Variants in HIKESHI observed in about 807,000 individuals in gnomAD.
HIKESHI encodes protein Hikeshi.
In HIKESHI, 13 loss-of-function variants were observed where a neutral mutation model predicts 25.7. The observed-to-expected ratio is 0.51, with a 90% CI of 0.33 to 0.80. The LOEUF (loss-of-function observed/expected upper bound fraction) is 0.80, where lower values mean the gene tolerates loss of function less well. Ranked by LOEUF, HIKESHI falls within the 30% of genes least tolerant of loss-of-function variation. The pLI, the probability that HIKESHI is intolerant of heterozygous loss-of-function variation, is 0.02. For missense variants in HIKESHI, 174 were observed against 229.5 expected (o/e 0.76, Z 1.56); for synonymous variants, 76 against 78.7 (o/e 0.97, Z 0.18).
chr11:86,326,787 CTT>C (rs969249156), intron 2 of HIKESHI: 33 of 281,934 alleles, frequency 1.2e-4, no homozygotes, highest in African/African-American at 6.0e-4. Flanking sequence ...GAGGAGGAGA[CTT>C]TTAAGGGTGG....
chr11:86,309,696 G>A (rs1255608229), intron 2 of HIKESHI, among the ~76,000 whole-genome samples: 1 of 152,074 alleles, frequency 6.6e-6, no homozygotes, highest in Non-Finnish European at 1.5e-5. Context: ...GGGTTTTTAT[G>A]GTTTTAGGGC....
At chr11:86,315,743 A>T (rs1946960499) in intron 2 of HIKESHI, among the ~76,000 whole-genome samples, 1 of 152,174 alleles carries the variant, frequency 6.6e-6, no homozygotes, top group Admixed American at 6.6e-5. Flanking sequence ...AGGAAGTTGA[A>T]CCCAGAGTGT....
intron 2 of HIKESHI, among the ~76,000 whole-genome samples, chr11:86,327,410 G>C (rs577439155): frequency 2.0e-5 from 3 of 152,084 alleles, no homozygotes; most frequent in Admixed American, 6.6e-5. Flanking sequence ...CGCCTCCCGG[G>C]TTCACACCAT....
At position 86,313,411 on chromosome 11, in the gene HIKESHI, T is replaced by C. The variant is rs545624078; in HGVS notation, c.268+6929T>C. ...ACACCTTGCTAATTTTTTGTATTTT[T>C]AGTAGAGATGGGGTTTCACCATGTC... On this transcript the variant is annotated intron_variant, in intron 2 of 4. Transcript: ENST00000278483. Among the ~76,000 whole-genome samples, 5 of 152,230 alleles carry C rather than the reference T, an allele frequency of 3.3e-5. No homozygotes were observed. The South Asian group carries it at 6.2e-4, about 19-fold the overall frequency.
intron 2 of HIKESHI, among the ~76,000 whole-genome samples, chr11:86,325,310 G>A (rs1262717663): frequency 1.3e-5 from 2 of 152,116 alleles, no homozygotes; most frequent in African/African-American, 4.8e-5. Flanking sequence ...AGCTCTGTTG[G>A]GAGAACTACA....
intron 2 of HIKESHI, among the ~76,000 whole-genome samples, chr11:86,334,794 A>T (rs1484827122): frequency 6.6e-6 from 1 of 152,152 alleles, no homozygotes; most frequent in Non-Finnish European, 1.5e-5. Context: ...GACCACAAGC[A>T]TGCACCACCT....
intron 3 of HIKESHI, among the ~76,000 whole-genome samples, chr11:86,341,201 TTC>T (rs1473109813): frequency 6.6e-6 from 1 of 152,240 alleles, no homozygotes; most frequent in African/African-American, 2.4e-5. Context: ...ATGTACATAC[TTC>T]TTTTCTCCCC....
intron 2 of HIKESHI, among the ~76,000 whole-genome samples, chr11:86,329,734 T>G (rs1447441820): frequency 6.6e-6 from 1 of 152,122 alleles, no homozygotes; most frequent in Non-Finnish European, 1.5e-5. Flanking sequence ...AATTGTTTCT[T>G]TTACCAATAT....
chr11:86,328,761 G>T (rs895786197), intron 2 of HIKESHI, among the ~76,000 whole-genome samples: 1 of 151,752 alleles, frequency 6.6e-6, no homozygotes, highest in Non-Finnish European at 1.5e-5. Context: ...ATTTTTAGTA[G>T]CGACAAGGTT....
At position 86,337,419 on chromosome 11, in the gene HIKESHI, C is replaced by G. The variant is rs1364257508; in HGVS notation, c.309C>G (p.Val103=). The G allele has an allele frequency of 6.2e-7, 1 of 1,613,740 alleles. No homozygotes were observed. The highest frequency in any genetic ancestry group is 1.3e-5 in the African/African-American group (1 of 74,888). Residue 103 remains valine (V), a synonymous_variant, in exon 3 of 5, where the codon GTC becomes GTG. Coordinates refer to ENST00000278483, the MANE Select transcript of HIKESHI (RefSeq NM_016401.4). ...ATCCTTTTGGAGCCATGAATATTGT[C>G]CGAACTCCATCTGTTGCTCAGATTG... ...SQHPFGAMNI[V]RTPSVAQIGI...
chr11:86,315,555 G>A (rs1946954920), intron 2 of HIKESHI, among the ~76,000 whole-genome samples: 2 of 152,074 alleles, frequency 1.3e-5, no homozygotes, highest in African/African-American at 4.8e-5. Context: ...TCCTGACCTC[G>A]TGATCCGCCC....
At chr11:86,307,545 CAA>C (rs1287922939) in intron 2 of HIKESHI, among the ~76,000 whole-genome samples, 1 of 115,982 alleles carries the variant, frequency 8.6e-6, no homozygotes, top group African/African-American at 3.2e-5. Flanking sequence ...CATTATATAT[CAA>C]ATATATTATG....
chr11:86,339,332 G>A (rs759737324), intron 3 of HIKESHI, among the ~76,000 whole-genome samples: 30 of 152,212 alleles, frequency 2.0e-4, no homozygotes, highest in Non-Finnish European at 4.0e-4. Context: ...TCAGGCGTGA[G>A]CCACCGCGCC....
At chr11:86,308,515 A>T (rs540460673) in intron 2 of HIKESHI, among the ~76,000 whole-genome samples, 11 of 144,660 alleles carry the variant, frequency 7.6e-5, no homozygotes, top group African/African-American at 2.8e-4. Flanking sequence ...CACCCTGCCA[A>T]TGTTCTTCTT....
intron 3 of HIKESHI, among the ~76,000 whole-genome samples, chr11:86,340,719 C>T (rs1947702118): frequency 6.6e-6 from 1 of 152,046 alleles, no homozygotes; most frequent in African/African-American, 2.4e-5. Flanking sequence ...GATCTCGGCT[C>T]CTGCAACCTC....
At chr11:86,322,895 C>G (rs1273703640) in intron 2 of HIKESHI, among the ~76,000 whole-genome samples, 2 of 152,030 alleles carry the variant, frequency 1.3e-5, no homozygotes, top group Non-Finnish European at 2.9e-5. Flanking sequence ...CAAGCATGTT[C>G]TCTTGATACT....
intron 3 of HIKESHI, among the ~76,000 whole-genome samples, chr11:86,342,387 G>A (rs1217584466): frequency 2.0e-5 from 3 of 151,838 alleles, no homozygotes; most frequent in African/African-American, 7.3e-5. Flanking sequence ...ATAGATAAAT[G>A]TATTGTTTCT....
chr11:86,312,779 T>C (rs1001606556), intron 2 of HIKESHI, among the ~76,000 whole-genome samples: 1 of 152,098 alleles, frequency 6.6e-6, no homozygotes, highest in Non-Finnish European at 1.5e-5. Context: ...TCAGCATTTG[T>C]TTGTCTGTAA....
Position 86,309,845 on chromosome 11 carries a change from T to C in HIKESHI, c.268+3363T>C, listed in dbSNP as rs1224858030. ...AATAGGGAATCCTTTCCCCATTTCTTGTTTTTGTCAGGTTTCTCAAAGATC... is the reference window on the plus strand; with the variant it reads ...AATAGGGAATCCTTTCCCCATTTCTCGTTTTTGTCAGGTTTCTCAAAGATC... On this transcript the variant is annotated intron_variant, in intron 2 of 4. Coordinates refer to ENST00000278483, the MANE Select transcript of HIKESHI (RefSeq NM_016401.4). Among the ~76,000 whole-genome samples, 4 of 152,246 alleles carry C rather than the reference T, an allele frequency of 2.6e-5. No homozygotes were observed. In the South Asian group the frequency reaches 6.2e-4, roughly 24 times the overall value.
Sources: allele counts gnomAD v4.1 joint callset (sites outside exome capture counted in the v4.1 genomes callset), GRCh38; gene constraint gnomAD v4.1.1; transcripts MANE v1.5; gene names NCBI Gene and HGNC (gene_info 2026-07-23, HGNC 2026-07-21).